The following IL23R variants were observed in gnomAD, a reference collection of about 807,000 sequenced individuals.
IL23R encodes the protein interleukin-23 receptor.
A neutral mutation model predicts 56.9 loss-of-function variants in IL23R; 34 were observed. The ratio of observed to expected loss-of-function variants is 0.60; its 90% CI spans 0.45 to 0.80. The LOEUF is 0.80. IL23R is among the 30% of genes least tolerant of loss of function. The pLI, the probability that IL23R is intolerant of heterozygous loss-of-function variation, is 0.00. For synonymous variants in IL23R, 230 were observed against 249.2 expected (o/e 0.92, Z 0.73); for missense variants, 635 against 730.0 (o/e 0.87, Z 1.50).
intron 6 of IL23R, among the ~76,000 whole-genome samples, chr1:67,211,099 A>G (rs1422048373): frequency 6.6e-6 from 1 of 152,196 alleles, no homozygotes; most frequent in Admixed American, 6.5e-5. Flanking sequence ...TGTGAACTTT[A>G]TGGTTGTTTG....
intron 8 of IL23R, among the ~76,000 whole-genome samples, chr1:67,238,962 T>A (rs1651679228): frequency 6.6e-6 from 1 of 151,938 alleles, no homozygotes; most frequent in Non-Finnish European, 1.5e-5. Flanking sequence ...ATAACTAGGG[T>A]GGGGCAAACA....
In IL23R at chr1:67,181,133, G is replaced by A. The variant is rs367558570; in HGVS notation, c.368-1703G>A. 5.4e-4 allele frequency among the ~76,000 whole-genome samples: 82 copies of A among 152,180 alleles called. 1 individual carries two copies. In the East Asian group the frequency reaches 0.013, roughly 23 times the overall value. ...TCTTCTCGAGGAGTATCTTTGTGGC[G>A]TTCTCTGTATTTCCTGAATCTGAAT... On this transcript the variant is annotated intron_variant, in intron 3 of 10. Transcript: ENST00000347310.
intron 5 of IL23R, among the ~76,000 whole-genome samples, chr1:67,201,561 A>C (rs917169397): frequency 3.3e-5 from 5 of 151,822 alleles, no homozygotes; most frequent in Non-Finnish European, 7.4e-5. Context: ...CAAAAAAAAA[A>C]AAAACAAAAA....
intron 8 of IL23R, among the ~76,000 whole-genome samples, chr1:67,239,827 C>G (rs1441456929): frequency 6.6e-6 from 1 of 152,106 alleles, no homozygotes; most frequent in East Asian, 1.9e-4. Flanking sequence ...GACATTGTTA[C>G]AGCAATTGGG....
Position 67,223,867 on chromosome 1 carries a change from T to C in IL23R, c.955+4137T>C, listed in dbSNP as rs958343058. ...TCCATTATCAATAAACTTCTTTGCATAGCTTTGTATATAAATGGTCTTTAT... is the reference window on the plus strand; with the variant it reads ...TCCATTATCAATAAACTTCTTTGCACAGCTTTGTATATAAATGGTCTTTAT... On this transcript the variant is annotated intron_variant, in intron 7 of 10. Coordinates refer to ENST00000347310, the MANE Select transcript of IL23R (RefSeq NM_144701.3). Among the ~76,000 whole-genome samples, 3 of 152,220 alleles carry C rather than the reference T, an allele frequency of 2.0e-5. No homozygotes were observed. The East Asian group carries it at 5.8e-4, about 29-fold the overall frequency.
chr1:67,144,805 C>G lies in IL23R; in HGVS notation c.-634+5644C>G, dbSNP rs529363571. Among the ~76,000 whole-genome samples, 13 of 152,280 alleles carry G rather than the reference C, an allele frequency of 8.5e-5. No homozygotes were observed. The South Asian group carries it at 2.5e-3, about 29-fold the overall frequency. On this transcript the variant is annotated intron_variant, in intron 1 of 10. Coordinates refer to the IL23R transcript ENST00000637002. Reference sequence around the variant, plus strand: ...TTCTCTTTCCCTACATAATCTCACCCATATCCAAAATTTAAGTTATCACCT... The same window carrying G: ...TTCTCTTTCCCTACATAATCTCACCGATATCCAAAATTTAAGTTATCACCT...
At chr1:67,185,282 G>A (rs1389324718) in intron 4 of IL23R, among the ~76,000 whole-genome samples, 1 of 152,184 alleles carries the variant, frequency 6.6e-6, no homozygotes, top group East Asian at 1.9e-4. Context: ...TAGGTTGCCT[G>A]ACTGTCTTCT....
rs531218865 is a variant in IL23R at position 67,147,496 on chromosome 1, C to T, written c.-634+8335C>T. ...GGTGTATCACCTGAGGTCGGGAGTT[C>T]GAGACCAGCCTGGCCAACATGGTGA... is the stretch of plus-strand genomic sequence containing the variant. On this transcript the variant is annotated intron_variant, in intron 1 of 10. Transcript: ENST00000637002. 2.4e-3 allele frequency among the ~76,000 whole-genome samples: 364 copies of T among 152,126 alleles called. 1 individual carries two copies. The highest frequency in any genetic ancestry group is 8.3e-3 in the African/African-American group (346 of 41,504).
chr1:67,262,991 C>G (rs948989322), downstream of IL23R, among the ~76,000 whole-genome samples: 2 of 151,956 alleles, frequency 1.3e-5, no homozygotes, highest in African/African-American at 4.8e-5. Flanking sequence ...CTCTCCCTCC[C>G]TTTTCTTACA....
chr1:67,236,878 C>A, intron 8 of IL23R, 76 bp downstream of exon 8: 3 of 932,818 alleles, frequency 3.2e-6, no homozygotes, highest in South Asian at 2.6e-5. Flanking sequence ...CTGAAAAAAT[C>A]ACATCAGGTG....
chr1:67,248,677 G>T (rs1050365377), intron 9 of IL23R, among the ~76,000 whole-genome samples: 1 of 152,094 alleles, frequency 6.6e-6, no homozygotes, highest in Non-Finnish European at 1.5e-5. Context: ...GTGATCCTTT[G>T]GAGGGGAAGA....
At chr1:67,155,434 T>A (rs1646763115) in intron 1 of IL23R, among the ~76,000 whole-genome samples, 1 of 152,180 alleles carries the variant, frequency 6.6e-6, no homozygotes, top group African/African-American at 2.4e-5. Context: ...CTCCAGTCAA[T>A]CATAGGTTCG....
upstream of IL23R, among the ~76,000 whole-genome samples, chr1:67,164,958 A>G (rs976242110): frequency 2.0e-5 from 3 of 152,206 alleles, no homozygotes; most frequent in African/African-American, 7.2e-5. Context: ...CTGTAATCCC[A>G]GGACTTTGGG....
chr1:67,145,735 A>T (rs1053601348), intron 1 of IL23R, among the ~76,000 whole-genome samples: 20 of 152,242 alleles, frequency 1.3e-4, no homozygotes, highest in Admixed American at 9.8e-4. Context: ...GGATCATTAA[A>T]ATAGTCACAA....
intron 3 of IL23R, among the ~76,000 whole-genome samples, chr1:67,170,224 C>T (rs913576564): frequency 1.3e-5 from 2 of 152,112 alleles, no homozygotes; most frequent in Non-Finnish European, 2.9e-5. Context: ...ATTATACAGG[C>T]TGTGTTATGC....
intron 10 of IL23R, among the ~76,000 whole-genome samples, chr1:67,256,557 C>CA (rs1652963337): frequency 6.6e-6 from 1 of 152,110 alleles, no homozygotes; most frequent in Admixed American, 6.6e-5. Context: ...GATTGGCTGT[C>CA]AAGGGGCTCA....
intron 9 of IL23R, 117 bp from the exon 10 acceptor site, chr1:67,255,720 T>G: frequency 6.4e-6 from 4 of 620,210 alleles, no homozygotes; most frequent in East Asian, 3.3e-5. Flanking sequence ...ATTACAGGCA[T>G]GAGCCACTGT....
intron 8 of IL23R, among the ~76,000 whole-genome samples, chr1:67,237,282 C>G (rs1651545955): frequency 6.6e-6 from 1 of 152,174 alleles, no homozygotes; most frequent in Non-Finnish European, 1.5e-5. Context: ...CTCAGGTGAT[C>G]CACCCACCTC....
intron 3 of IL23R, among the ~76,000 whole-genome samples, chr1:67,179,977 T>C (rs1721364): frequency 6.6e-6 from 1 of 152,254 alleles, no homozygotes; most frequent in Non-Finnish European, 1.5e-5. Context: ...CACTGTGGTC[T>C]GAGAGACAGT....
Sources: gnomAD v4.1 joint callset for allele counts (sites outside exome capture counted in the v4.1 genomes callset) on GRCh38, gnomAD v4.1.1 for gene constraint, MANE v1.5 for transcripts, NCBI Gene and HGNC (gene_info 2026-07-23, HGNC 2026-07-21) for gene names.